Variants in CEND1 observed in about 807,000 individuals in gnomAD.
CEND1 encodes cell cycle exit and neuronal differentiation protein 1.
In CEND1, 1 loss-of-function variant was observed where a neutral mutation model predicts 4.4. The ratio of observed to expected loss-of-function variants is 0.23; its 90% confidence interval spans 0.08 to 1.09. The LOEUF (loss-of-function observed/expected upper bound fraction) is 1.09. CEND1 is among the 50% of genes least tolerant of loss of function. CEND1 has a pLI of 0.55. For missense variants in CEND1, 213 were observed against 201.2 expected (o/e 1.06, Z -0.35); for synonymous variants, 109 against 93.0 (o/e 1.17, Z -0.99).
At position 787,994 on chromosome 11, in the gene CEND1, G is replaced by A. The variant is rs115360074; in HGVS notation, c.*133C>T. 4.8e-3 allele frequency: 3,212 copies of A among 664,594 alleles called. 82 individuals are homozygous for A. The African/African-American group carries it at 0.052, about 11-fold the overall frequency. 41.2% of individuals were successfully genotyped at this position (664,594 alleles called of 1,614,324 possible). A position where few individuals can be genotyped will look rare whatever the true frequency, so the allele number is the denominator to read the frequency against. On this transcript the variant is annotated 3_prime_UTR_variant, in exon 2 of 2. Coordinates refer to ENST00000330106, the MANE Select transcript of CEND1 (RefSeq NM_016564.4). ...CTCGGGCGTCCTCTTCACCGTGCGC[G>A]TGTGTTGGGGGCGTATGTAGGTGTG...
At chr11:789,287 G>A (rs1864406993) in intron 1 of CEND1, among the ~76,000 whole-genome samples, 1 of 152,082 alleles carries the variant, frequency 6.6e-6, no homozygotes. Context: ...AGGGCCGTCT[G>A]CCCCTCCCCA....
rs1864391064 is a variant in CEND1, at chr11:788,543, T to C, written c.34A>G (p.Lys12Glu). 6.6e-6 allele frequency: 10 copies of C among 1,519,036 alleles called. No individual in the cohort carries two copies. The highest frequency in any genetic ancestry group is 8.8e-6 in the Non-Finnish European group (10 of 1,134,734). 94.1% of individuals were successfully genotyped at this position (1,519,036 alleles called of 1,614,324 possible). ...ACCTGGGGCACCTTGGTGTCGGGCT[T>C]GGGGCTGCTGGCTGACTTCCCTCTG... ...ESRGKSASSP[K>E]PDTKVPQVTT... The change falls in exon 2 of 2, where the codon AAG becomes GAG. Residue 12 changes from lysine (K) to glutamate (E), a missense_variant. By Grantham distance (56) the Lys-to-Glu change is moderately conservative (BLOSUM62 1). Transcript: ENST00000330106.
In CEND1 at chr11:788,172, G is replaced by A. The variant is rs1434100642; in HGVS notation, c.405C>T (p.Ala135=). The change falls in exon 2 of 2, where the codon GCC becomes GCT. Residue 135 remains alanine, a synonymous_variant. Transcript: ENST00000330106. The part of the protein sequence containing the change: ...LLVAGGVAVA[A]IALILGVAFL... Reference sequence around the variant, plus strand: ...AGGCCACACCGAGAATCAGGGCTATGGCTGCCACGGCCACACCCCCAGCCA... The same window carrying A: ...AGGCCACACCGAGAATCAGGGCTATAGCTGCCACGGCCACACCCCCAGCCA... 11 of 1,600,492 alleles carry A rather than the reference G, an allele frequency of 6.9e-6. No individual in the cohort carries two copies. Among genetic ancestry groups the A allele is most frequent in the African/African-American group, 1.3e-5 (1 of 74,390 alleles).
At chr11:789,120 G>A (rs746068960) in intron 1 of CEND1, among the ~76,000 whole-genome samples, 1 of 152,310 alleles carries the variant, frequency 6.6e-6, no homozygotes, top group Non-Finnish European at 1.5e-5. Flanking sequence ...ACTAAAGCAC[G>A]GAGGCTGTGA....
chr11:788,559 C>G lies in CEND1; in HGVS notation c.18G>C (p.Lys6Asn). MESRG[K>N]SASSPKPDTK... ...TGTCGGGCTTGGGGCTGCTGGCTGA[C>G]TTCCCTCTGGACTCCATGGTGGGCG... Residue 6 changes from lysine (K) to asparagine (N), a missense_variant, in exon 2 of 2, where the codon AAG becomes AAC. Transcript: ENST00000330106. 6.6e-7 allele frequency: 1 copy of G among 1,519,706 alleles called. No homozygotes were observed. The highest frequency in any genetic ancestry group is 8.8e-7 in the Non-Finnish European group (1 of 1,135,060). 94.1% of individuals were successfully genotyped at this position (1,519,706 alleles called of 1,614,324 possible). A position where few individuals can be genotyped will look rare whatever the true frequency, so the allele number is the denominator to read the frequency against.
Position 788,335 on chromosome 11 carries a change from G to T in CEND1, c.242C>A (p.Ala81Asp), listed in dbSNP as rs1206158594. 2 of 1,605,196 alleles carry T rather than the reference G, an allele frequency of 1.2e-6. No homozygotes were observed. Among genetic ancestry groups the T allele is most frequent in the Admixed American group, 3.4e-5 (2 of 59,212 alleles). The change falls in exon 2 of 2, where the codon GCC becomes GAC. Residue 81 changes from alanine to aspartate, a missense_variant. By Grantham distance (126) the Ala-to-Asp change is moderately radical. Coordinates refer to ENST00000330106, the MANE Select transcript of CEND1 (RefSeq NM_016564.4). ...LLNNHSNLKP[A>D]PTVPSSPDAT... is the part of the protein sequence containing the mutation. ...ATCGGGACTGCTGGGGACCGTGGGG[G>T]CTGGCTTCAGGTTGCTGTGGTTGTT...
In CEND1 at chr11:788,493, CG is replaced by C; in HGVS notation, c.83del (p.Pro28ArgfsTer9). The C allele has an allele frequency of 2.0e-6, 3 of 1,535,674 alleles. No homozygotes were observed. Among genetic ancestry groups the C allele is most frequent in the Non-Finnish European group, 1.8e-6 (2 of 1,140,692 alleles). ...TCAAGGGGGCTTTCCCATCGGCTGC[CG>C]GGGGTACCTTGGCCTCGGTGGTGAC... ...PQVTTEAKVPPAADGKAPLTK... is the reference protein window; with the variant it reads ...PQVTTEAKVPXAADGKAPLTK... On this transcript the variant is annotated frameshift_variant, in exon 2 of 2. Coordinates refer to ENST00000330106, the MANE Select transcript of CEND1 (RefSeq NM_016564.4). LOFTEE classifies it low-confidence loss of function (END_TRUNC).
At position 788,654 on chromosome 11, in the gene CEND1, T is replaced by C. The variant is rs1864392416; in HGVS notation, c.-78A>G. On this transcript the variant is annotated 5_prime_UTR_variant, in exon 2 of 2. Transcript: ENST00000330106. ...CAGTTTGTCGCCCCTGGGCATTCTA[T>C]GGGCCTGGAGGGAGACACAAGGGAG... 1 of 1,375,152 alleles carries C rather than the reference T, an allele frequency of 7.3e-7. No individual in the cohort carries two copies. Among genetic ancestry groups the C allele is most frequent in the Non-Finnish European group, 9.7e-7 (1 of 1,035,948 alleles). The allele number at this position is 1,375,152 out of a possible 1,614,324, so 85.2% of individuals were successfully genotyped here. A position where few individuals can be genotyped will look rare whatever the true frequency, so the allele number is the denominator to read the frequency against.
chr11:789,718 G>A (rs1864419393), intron 1 of CEND1, among the ~76,000 whole-genome samples: 1 of 151,798 alleles, frequency 6.6e-6, no homozygotes, highest in South Asian at 2.1e-4. Context: ...TGATGAGGGC[G>A]TCTCCAGAAG....
intron 1 of CEND1, among the ~76,000 whole-genome samples, chr11:788,945 C>T (rs895449637): frequency 3.9e-5 from 6 of 152,190 alleles, no homozygotes; most frequent in Admixed American, 6.5e-5. Flanking sequence ...ATGCCACATC[C>T]TCCCACCAGC....
chr11:789,831 G>A (rs1046362886), intron 1 of CEND1, among the ~76,000 whole-genome samples, 199 bp downstream of exon 1: 1 of 152,168 alleles, frequency 6.6e-6, no homozygotes, highest in African/African-American at 2.4e-5. Context: ...AAGAGCAGGT[G>A]GTCTGCCCCC....
At position 788,252 on chromosome 11, in the gene CEND1, C is replaced by A; in HGVS notation, c.325G>T (p.Gly109Trp). 6.2e-7 allele frequency: 1 copy of A among 1,611,570 alleles called. No individual in the cohort carries two copies. ...CAGGGACCTCGGCCCCCAGGCCCCC[C>A]ACTGGCAGCCTCATCTTCCTCCGCC... ...DGAEEDEAAS[G>W]GPGGRGPWSC... The change falls in exon 2 of 2, where the codon GGG becomes TGG. Residue 109 changes from glycine to tryptophan, a missense_variant. Coordinates refer to ENST00000330106, the MANE Select transcript of CEND1 (RefSeq NM_016564.4).
chr11:788,394 C>T lies in CEND1; in HGVS notation c.183G>A (p.Lys61=), dbSNP rs1565030548. ...CAGGGTCGGCCTTGGCCGAGGTCTT[C>T]TTGGCAGGTGCCGTGGTGGGGGCTG... The part of the protein sequence containing the change: ...PPAAPTTAPA[K]KTSAKADPAL... The change falls in exon 2 of 2, where the codon AAG becomes AAA. Residue 61 remains lysine (K), a synonymous_variant. Transcript: ENST00000330106. The T allele has an allele frequency of 6.3e-7, 1 of 1,593,668 alleles. No individual in the cohort carries two copies. The highest frequency in any genetic ancestry group is 8.6e-7 in the Non-Finnish European group (1 of 1,167,270).
At chr11:789,007 G>T (rs999979624) in intron 1 of CEND1, among the ~76,000 whole-genome samples, 44 of 152,318 alleles carry the variant, frequency 2.9e-4, no homozygotes, top group African/African-American at 1.0e-3. Context: ...CAGAGAACTC[G>T]AAGGAAGAGC....
chr11:788,785 C>T (rs1220253280), intron 1 of CEND1, 127 bp from the exon 2 acceptor site: 8 of 424,082 alleles, frequency 1.9e-5, no homozygotes, highest in Non-Finnish European at 2.5e-5. Context: ...AGGGGCCTCC[C>T]GTGGGCCTCT....
Position 788,033 on chromosome 11 carries a change from T to G in CEND1, c.*94A>C. 1 of 968,058 alleles carries G rather than the reference T, an allele frequency of 1.0e-6. No individual in the cohort carries two copies. The highest frequency in any genetic ancestry group is 1.5e-6 in the Non-Finnish European group (1 of 685,296). 60.0% of individuals were successfully genotyped at this position (968,058 alleles called of 1,614,324 possible). A position where few individuals can be genotyped will look rare whatever the true frequency, so the allele number is the denominator to read the frequency against. On this transcript the variant is annotated 3_prime_UTR_variant, in exon 2 of 2. Transcript: ENST00000330106. The stretch of plus-strand genomic sequence containing the variant: ...TATGTAGGTGTGTAATGAATGTGCG[T>G]GTGTACGAATAGGTAAGGGTGAACT...
chr11:789,215 G>A (rs554969849), intron 1 of CEND1, among the ~76,000 whole-genome samples: 89 of 152,304 alleles, frequency 5.8e-4, no homozygotes, highest in African/African-American at 2.1e-3. Context: ...GGGCCCACAA[G>A]AACCCAGACT....
At chr11:789,709 G>A (rs1221257740) in intron 1 of CEND1, among the ~76,000 whole-genome samples, 1 of 151,998 alleles carries the variant, frequency 6.6e-6, no homozygotes, top group East Asian at 1.9e-4. Flanking sequence ...GTCACAGCAT[G>A]ATGAGGGCGT....
chr11:789,285 C>G (rs1864406896), intron 1 of CEND1, among the ~76,000 whole-genome samples: 1 of 152,152 alleles, frequency 6.6e-6, no homozygotes, highest in Non-Finnish European at 1.5e-5. Context: ...CAAGGGCCGT[C>G]TGCCCCTCCC....
Sources: allele counts gnomAD v4.1 joint callset (sites outside exome capture counted in the v4.1 genomes callset), GRCh38; gene constraint gnomAD v4.1.1; transcripts MANE v1.5; gene names NCBI Gene and HGNC (gene_info 2026-07-23, HGNC 2026-07-21).